The following LRRC57 variants were observed in gnomAD, a reference collection of about 807,000 sequenced individuals.
LRRC57 encodes leucine-rich repeat-containing protein 57.
A neutral mutation model predicts 23.1 loss-of-function variants in LRRC57; 14 were observed. That is an observed-to-expected ratio of 0.61 (90% CI 0.40 to 0.95). The LOEUF (loss-of-function observed/expected upper bound fraction) is 0.95, where lower values mean the gene tolerates loss of function less well. Among genes scored for constraint, LRRC57 ranks in the 40% least tolerant of loss-of-function variants. The probability of loss-of-function intolerance (pLI) is 0.00; values close to 1 mark genes in which losing one functional copy is unlikely to be tolerated. For synonymous variants in LRRC57, 106 were observed against 115.2 expected, an observed-to-expected ratio of 0.92 and a Z score of 0.51; for missense variants, 236 against 284.4, an observed-to-expected ratio of 0.83 and a Z score of 1.22.
chr15:42,529,327 G>A, the LRRC57 span, among the ~76,000 whole-genome samples: 20 of 152,278 alleles, frequency 1.3e-4, no homozygotes, highest in East Asian at 1.2e-3. Context: ...TTATTAAACC[G>A]TAGGTTTCTG....
chr15:42,547,587 T>C (rs1484215353), intron 3 of LRRC57, 58 bp from the exon 4 acceptor site: 2 of 1,502,596 alleles, frequency 1.3e-6, no homozygotes, highest in African/African-American at 1.4e-5. Context: ...ACAACTTTGA[T>C]GAAGTTTATA....
intron 3 of LRRC57, 197 bp from the exon 4 acceptor site, chr15:42,547,726 C>G (rs73406505): frequency 0.017 from 10,530 of 604,532 alleles, 742 homozygotes; most frequent in African/African-American, 0.16. Context: ...TGCCGGAGAG[C>G]ATTTGTGTGT....
At chr15:42,547,733 G>A in intron 3 of LRRC57, 1 of 583,316 alleles carries the variant, frequency 1.7e-6, no homozygotes, top group Middle Eastern at 4.6e-4. Flanking sequence ...GAGCATTTGT[G>A]TGTATAATGG....
At chr15:42,545,310 A>C in intron 4 of LRRC57, 48 bp from the exon 5 acceptor site, 1 of 1,354,430 alleles carries the variant, frequency 7.4e-7, no homozygotes, top group Non-Finnish European at 1.0e-6. Flanking sequence ...TAAGCACTAT[A>C]CTGGTTACTT....
At chr15:42,537,611 C>G (rs2057607224), downstream of LRRC57, among the ~76,000 whole-genome samples, 1 of 152,158 alleles carries the variant, frequency 6.6e-6, no homozygotes, top group Non-Finnish European at 1.5e-5. Flanking sequence ...CAGCACTATT[C>G]ATGATAGCAA....
At chr15:42,545,627 T>A (rs879795379) in intron 4 of LRRC57, among the ~76,000 whole-genome samples, 3 of 152,184 alleles carry the variant, frequency 2.0e-5, no homozygotes, top group Admixed American at 2.0e-4. Context: ...TTTTGGTACA[T>A]TTACTGCCAA....
intron 4 of LRRC57, among the ~76,000 whole-genome samples, chr15:42,546,404 T>C (rs2057658343): frequency 6.6e-6 from 1 of 152,102 alleles, no homozygotes; most frequent in African/African-American, 2.4e-5. Flanking sequence ...CAGTTTTTTT[T>C]TTCCCCCAAG....
chr15:42,536,349 G>A (rs2057600658), downstream of LRRC57, among the ~76,000 whole-genome samples: 1 of 152,192 alleles, frequency 6.6e-6, no homozygotes, highest in Admixed American at 6.5e-5. Context: ...TTCCTACATA[G>A]CATTGTATTG....
downstream of LRRC57, among the ~76,000 whole-genome samples, chr15:42,535,009 A>G (rs938274679): frequency 6.6e-6 from 1 of 152,232 alleles, no homozygotes; most frequent in African/African-American, 2.4e-5. Context: ...CACCAGCTCT[A>G]TTAGCCTCTA....
In LRRC57 at chr15:42,548,177, T is replaced by C. The variant is rs1222768008; in HGVS notation, c.152A>G (p.Glu51Gly). Residue 51 changes from glutamate to glycine, a missense_variant, in exon 3 of 6, where the codon GAA (glutamate) becomes GGA (glycine). Physicochemically the swap from Glu to Gly is moderately conservative, Grantham distance 98 (BLOSUM62 -2). Transcript: ENST00000397130. ...RTIDLSNNKI[E>G]SLPPLLIGKF... The stretch of plus-strand genomic sequence containing the variant: ...TCCTATCAGCAAAGGCGGTAGGCTT[T>C]CGATCTTGTTGTTGGACAAGTCGAT... The C allele has an allele frequency of 2.5e-6, 4 of 1,614,230 alleles. No homozygotes were observed. The highest frequency in any genetic ancestry group is 3.4e-6 in the Non-Finnish European group (4 of 1,180,036).
downstream of LRRC57, among the ~76,000 whole-genome samples, chr15:42,536,795 T>G (rs982646976): frequency 6.6e-6 from 1 of 152,172 alleles, no homozygotes; most frequent in African/African-American, 2.4e-5. Flanking sequence ...GGGATCAAAT[T>G]TTGGTTCATT....
At chr15:42,547,821 A>G in intron 3 of LRRC57, 1 of 547,524 alleles carries the variant, frequency 1.8e-6, no homozygotes, top group Non-Finnish European at 3.2e-6. Flanking sequence ...CTTCTCATCC[A>G]TCCCCCATTC....
chr15:42,548,557 T>C, intron 1 of LRRC57, 101 bp from the exon 2 acceptor site: 2 of 928,812 alleles, frequency 2.2e-6, no homozygotes, highest in Admixed American at 2.6e-5. Context: ...CCCTGGCTCC[T>C]GGGGCCCGAC....
chr15:42,544,161 G>A (rs1182968541), intron 5 of LRRC57, 37 bp from the exon 6 acceptor site: 5 of 1,539,460 alleles, frequency 3.2e-6, no homozygotes, highest in East Asian at 2.3e-5. Context: ...GGGTATTTTG[G>A]CATGAGTAAA....
the LRRC57 span, chr15:42,529,577 C>A: frequency 1.6e-6 from 2 of 1,242,436 alleles, no homozygotes; most frequent in Non-Finnish European, 1.1e-6. Context: ...CTTATACTTG[C>A]TGAGAGTCAT....
chr15:42,540,921 A>T lies in LRRC57; in HGVS notation c.*3162T>A, dbSNP rs189571693. The T allele has an allele frequency of 6.6e-6, 1 of 152,114 alleles. No homozygotes were observed. The highest frequency in any genetic ancestry group is 1.5e-5 in the Non-Finnish European group (1 of 68,036). The allele number at this position is 152,114 out of a possible 1,614,324, so 9.4% of individuals were successfully genotyped here. A position where few individuals can be genotyped will look rare whatever the true frequency, so the allele number is the denominator to read the frequency against. On this transcript the variant is annotated 3_prime_UTR_variant, in exon 6 of 6. Transcript: ENST00000397130. ...CGTGCGCCTGCCTGTAGTACCAGCTACTCAGGAGGCTGAGGCAGGAGAATT... is the reference window on the plus strand; with the variant it reads ...CGTGCGCCTGCCTGTAGTACCAGCTTCTCAGGAGGCTGAGGCAGGAGAATT...
rs1298002461 is a variant in LRRC57 at position 42,547,687 on chromosome 15, G to A, written c.224-158C>T. 4.4e-6 allele frequency: 3 copies of A among 683,862 alleles called. No individual in the cohort carries two copies. The East Asian group carries it at 8.1e-5, about 19-fold the overall frequency. 42.4% of individuals were successfully genotyped at this position (683,862 alleles called of 1,614,324 possible). A position where few individuals can be genotyped will look rare whatever the true frequency, so the allele number is the denominator to read the frequency against. On this transcript the variant is annotated intron_variant, in intron 3 of 5. Coordinates refer to ENST00000397130, the MANE Select transcript of LRRC57 (RefSeq NM_153260.3). ...TTAGATATTGCATTTTACCAACATAGTCTTTAGAAGGTGAGGGTGCCATCA... is the reference window on the plus strand; with the variant it reads ...TTAGATATTGCATTTTACCAACATAATCTTTAGAAGGTGAGGGTGCCATCA...
intron 4 of LRRC57, among the ~76,000 whole-genome samples, chr15:42,546,407 C>T (rs570373800): frequency 4.1e-4 from 61 of 149,438 alleles, no homozygotes; most frequent in African/African-American, 1.5e-3. Flanking sequence ...TTTTTTTTTT[C>T]CCCCAAGAAG....
chr15:42,539,559 T>C lies in LRRC57; in HGVS notation c.*4524A>G, dbSNP rs2057617812. On this transcript the variant is annotated 3_prime_UTR_variant, in exon 6 of 6. Coordinates refer to ENST00000397130, the MANE Select transcript of LRRC57 (RefSeq NM_153260.3). ...ATCTCAATACTTTGGGAGGCCAAGA[T>C]GGGAGGATCACTTGAGTCCAGTTTA... 1 of 144,054 alleles carries C rather than the reference T, an allele frequency of 6.9e-6. No individual in the cohort carries two copies. The highest frequency in any genetic ancestry group is 1.5e-5 in the Non-Finnish European group (1 of 66,608). 8.9% of individuals were successfully genotyped at this position (144,054 alleles called of 1,614,324 possible). A position where few individuals can be genotyped will look rare whatever the true frequency, so the allele number is the denominator to read the frequency against.
Sources: gnomAD v4.1 joint callset for allele counts (sites outside exome capture counted in the v4.1 genomes callset) on GRCh38, gnomAD v4.1.1 for gene constraint, MANE v1.5 for transcripts, NCBI Gene and HGNC (gene_info 2026-07-23, HGNC 2026-07-21) for gene names.